TJP1: variants seen among roughly 807,000 people sequenced by gnomAD.
TJP1 encodes the protein tight junction protein 1, also known as tight junction protein ZO-1.
A neutral mutation model predicts 194.2 loss-of-function variants in TJP1; 43 were observed. That is an observed-to-expected ratio of 0.22 (90% CI 0.17 to 0.29). The LOEUF (loss-of-function observed/expected upper bound fraction) is 0.29. Ranked by LOEUF, TJP1 falls within the 10% of genes least tolerant of loss-of-function variation. The pLI is 1.00. For synonymous variants in TJP1, 801 were observed against 779.0 expected (o/e 1.03, Z -0.47); for missense variants, 1,971 against 2,185.7 (o/e 0.90, Z 1.96).
At chr15:29,709,148 G>A (rs1430215606) in intron 24 of TJP1, 112 bp from the exon 25 acceptor site, 2 of 987,874 alleles carry the variant, frequency 2.0e-6, no homozygotes, top group Non-Finnish European at 3.0e-6. Context: ...GGGTCGCACA[G>A]CCAGAGCCTG....
At chr15:29,958,522 A>C (rs919630496) in intron 1 of TJP1, among the ~76,000 whole-genome samples, 1 of 152,186 alleles carries the variant, frequency 6.6e-6, no homozygotes, top group Non-Finnish European at 1.5e-5. Context: ...CTTTGTCCTC[A>C]ACCACCCTAA....
intron 1 of TJP1, chr15:29,968,123 A>C (rs2056392553): frequency 1.0e-6 from 1 of 985,308 alleles, no homozygotes; most frequent in African/African-American, 1.7e-5. Context: ...TCCAGGTCGG[A>C]GGAACTGGAA....
chr15:29,747,815 T>C (rs2044909412), intron 8 of TJP1, among the ~76,000 whole-genome samples: 4 of 152,212 alleles, frequency 2.6e-5, no homozygotes, highest in African/African-American at 9.7e-5. Flanking sequence ...TCTTGCTCCA[T>C]ATATCACACA....
At chr15:29,968,254 A>G in intron 1 of TJP1, 2 of 985,316 alleles carry the variant, frequency 2.0e-6, no homozygotes, top group Non-Finnish European at 2.4e-6. Flanking sequence ...AATAACTGAA[A>G]ACGCACACCG....
chr15:29,888,272 T>C (rs915853307), intron 2 of TJP1, among the ~76,000 whole-genome samples: 1 of 152,118 alleles, frequency 6.6e-6, no homozygotes, highest in South Asian at 2.1e-4. Context: ...TATGTACATA[T>C]ATATGTGCAT....
chr15:29,757,149 G>A (rs989855100), intron 8 of TJP1, among the ~76,000 whole-genome samples: 36 of 152,124 alleles, frequency 2.4e-4, no homozygotes, highest in African/African-American at 8.0e-4. Flanking sequence ...CAGGAAGTCC[G>A]GCTCCAAAGC....
chr15:29,731,655 T>C (rs537379488), intron 15 of TJP1, among the ~76,000 whole-genome samples: 8 of 152,222 alleles, frequency 5.3e-5, no homozygotes, highest in Non-Finnish European at 1.0e-4. Context: ...TTGGGTTTTA[T>C]AGTGGCTTTC....
intron 2 of TJP1, among the ~76,000 whole-genome samples, chr15:29,907,471 G>A (rs2053855331): frequency 6.6e-6 from 1 of 152,074 alleles, no homozygotes; most frequent in African/African-American, 2.4e-5. Flanking sequence ...CATTAGACAA[G>A]GCATAGAAAA....
intron 1 of TJP1, among the ~76,000 whole-genome samples, chr15:29,820,285 A>T (rs1217828432): frequency 6.6e-6 from 1 of 151,902 alleles, no homozygotes; most frequent in Admixed American, 6.6e-5. Context: ...AATGTGACTT[A>T]CGGAAACAGG....
At chr15:29,710,798 C>T (rs1316764969) in intron 24 of TJP1, 33 bp downstream of exon 24, 1 of 1,612,810 alleles carries the variant, frequency 6.2e-7, no homozygotes, top group South Asian at 1.1e-5. Flanking sequence ...ATAAGCATTA[C>T]TGTGTTAAAA....
intron 1 of TJP1, among the ~76,000 whole-genome samples, chr15:29,958,985 GT>G (rs1229574239): frequency 5.1e-4 from 72 of 142,128 alleles, no homozygotes; most frequent in East Asian, 3.4e-3. Context: ...AAAGTAGCTA[GT>G]TTTTTTTTTT....
chr15:29,952,720 T>C (rs923387131), intron 2 of TJP1, among the ~76,000 whole-genome samples: 1 of 152,220 alleles, frequency 6.6e-6, no homozygotes, highest in African/African-American at 2.4e-5. Context: ...CAGGAGATTA[T>C]TAACTAAGTC....
At chr15:29,806,838 C>A (rs907376902) in intron 1 of TJP1, among the ~76,000 whole-genome samples, 1 of 152,100 alleles carries the variant, frequency 6.6e-6, no homozygotes, top group African/African-American at 2.4e-5. Context: ...TATATTTGGA[C>A]TGATCTGATG....
chr15:29,726,622 G>A, intron 17 of TJP1, 143 bp from the exon 18 acceptor site: 1 of 1,122,326 alleles, frequency 8.9e-7, no homozygotes, highest in Non-Finnish European at 1.3e-6. Context: ...TTTTGCTACT[G>A]TATATTTTCT....
upstream of TJP1, among the ~76,000 whole-genome samples, chr15:29,826,814 T>G (rs976666420): frequency 8.5e-5 from 13 of 152,060 alleles, no homozygotes; most frequent in Admixed American, 4.6e-4. Flanking sequence ...GGGCTTGCAG[T>G]TGGGGTTTAA....
intron 2 of TJP1, among the ~76,000 whole-genome samples, chr15:29,775,352 T>C (rs1336452736): frequency 4.7e-5 from 7 of 150,332 alleles, no homozygotes; most frequent in Non-Finnish European, 1.0e-4. Context: ...TATGCTGAGG[T>C]TACTAAGATC....
chr15:29,813,124 G>C (rs1403016337), intron 1 of TJP1, among the ~76,000 whole-genome samples: 1 of 152,088 alleles, frequency 6.6e-6, no homozygotes, highest in African/African-American at 2.4e-5. Flanking sequence ...CCCTGATTGT[G>C]GCTTTTGGTG....
chr15:29,910,704 A>C (rs1037396445), intron 2 of TJP1, among the ~76,000 whole-genome samples: 1 of 152,220 alleles, frequency 6.6e-6, no homozygotes, highest in African/African-American at 2.4e-5. Context: ...TGATATGCAT[A>C]ATGACTAACA....
chr15:29,757,244 A>C (rs2045700525), intron 8 of TJP1, among the ~76,000 whole-genome samples: 2 of 152,222 alleles, frequency 1.3e-5, no homozygotes, highest in African/African-American at 4.8e-5. Flanking sequence ...CACATCCTAA[A>C]AATATACAAA....
Sources: gnomAD v4.1 joint callset for allele counts (sites outside exome capture counted in the v4.1 genomes callset) on GRCh38, gnomAD v4.1.1 for gene constraint, MANE v1.5 for transcripts, NCBI Gene and HGNC (gene_info 2026-07-23, HGNC 2026-07-21) for gene names.